The following GRIK2 variants were observed in gnomAD, a reference collection of about 807,000 sequenced individuals.
GRIK2 encodes the protein glutamate ionotropic receptor kainate type subunit 2.
GRIK2 carries 32 observed loss-of-function variants against 100.3 expected under a neutral mutation model. The observed-to-expected ratio is 0.32, with a 90% confidence interval of 0.24 to 0.43. The LOEUF (loss-of-function observed/expected upper bound fraction) is 0.43. GRIK2 is among the 20% of genes least tolerant of loss of function. The pLI is 1.00. For missense variants in GRIK2, 843 were observed against 1,114.9 expected (o/e 0.76, Z 3.47); for synonymous variants, 417 against 389.4 (o/e 1.07, Z -0.83).
At chr6:101,844,676 A>T (rs1783704405) in intron 10 of GRIK2, among the ~76,000 whole-genome samples, 1 of 152,234 alleles carries the variant, frequency 6.6e-6, no homozygotes, top group Non-Finnish European at 1.5e-5. Context: ...AGTATGGCAC[A>T]TATAAATAGC....
chr6:101,634,411 T>A (rs1780908401), intron 4 of GRIK2, among the ~76,000 whole-genome samples: 1 of 152,098 alleles, frequency 6.6e-6, no homozygotes, highest in Admixed American at 6.6e-5. Flanking sequence ...TCTTAACATA[T>A]GAAGTTTGAA....
At chr6:101,442,906 A>G (rs1770159037) in intron 2 of GRIK2, among the ~76,000 whole-genome samples, 1 of 152,126 alleles carries the variant, frequency 6.6e-6, no homozygotes, top group African/African-American at 2.4e-5. Context: ...TCCTGTTAGC[A>G]AGTCTTGACT....
intron 10 of GRIK2, among the ~76,000 whole-genome samples, chr6:101,846,840 A>G (rs2791830): frequency 0.92 from 139,285 of 152,082 alleles, 63,970 homozygotes; most frequent in East Asian, 0.98. Flanking sequence ...TATCTACAAA[A>G]TTGGTAGCAA....
intron 12 of GRIK2, among the ~76,000 whole-genome samples, chr6:101,915,882 A>G (rs1017348925): frequency 6.6e-6 from 1 of 151,478 alleles, no homozygotes; most frequent in Non-Finnish European, 1.5e-5. Context: ...CCCTCTCTTC[A>G]AATATGTTTA....
At chr6:101,866,500 C>T (rs772536505) in intron 11 of GRIK2, among the ~76,000 whole-genome samples, 2 of 152,044 alleles carry the variant, frequency 1.3e-5, no homozygotes, top group Admixed American at 6.6e-5. Flanking sequence ...ATTTTGTTAG[C>T]AACCTCATCC....
rs74777097 is a variant in GRIK2, at chr6:101,953,628, A to T, written c.2085+24996A>T. On this transcript the variant is annotated intron_variant, in intron 14 of 16. Transcript: ENST00000369134. ...GTTGTCTTTTTATCATTGAATTGTA[A>T]GAGTATTTTTACATTTTATAGATAG... Among the ~76,000 whole-genome samples, 722 of 152,288 alleles carry T rather than the reference A, an allele frequency of 4.7e-3. 15 individuals are homozygous for T. Among genetic ancestry groups the T allele is most frequent in the East Asian group, 0.037 (190 of 5,182 alleles).
chr6:101,948,742 TGGGATTACA>T (rs1249587694), intron 14 of GRIK2, among the ~76,000 whole-genome samples: 2 of 151,936 alleles, frequency 1.3e-5, no homozygotes, highest in Non-Finnish European at 2.9e-5. Flanking sequence ...CCCAAAGCGT[TGGGATTACA>T]GGGATGAGCC....
At chr6:101,437,015 T>C (rs1455417012) in intron 2 of GRIK2, among the ~76,000 whole-genome samples, 1 of 151,012 alleles carries the variant, frequency 6.6e-6, no homozygotes, top group Middle Eastern at 3.2e-3. Context: ...TAGAGTTCAA[T>C]ACCTATATGG....
rs1772349208 is a variant in GRIK2, at chr6:101,694,645, C to T, written c.951+8292C>T. On this transcript the variant is annotated intron_variant, in intron 7 of 16. Coordinates refer to ENST00000369134, the MANE Select transcript of GRIK2 (RefSeq NM_021956.5). ...TTTATTACTGTAACTATAGTGCACT[C>T]TCATCATAGAAGGAAGAGTGGATCT... Among the ~76,000 whole-genome samples the T allele has an allele frequency of 2.0e-5, 3 of 151,952 alleles. No homozygotes were observed. The South Asian group carries it at 6.2e-4, about 31-fold the overall frequency.
intron 14 of GRIK2, among the ~76,000 whole-genome samples, chr6:102,001,783 C>T (rs996216512): frequency 2.6e-5 from 4 of 151,832 alleles, no homozygotes; most frequent in African/African-American, 9.7e-5. Flanking sequence ...TTTTCATTTT[C>T]ATTCAGATCA....
intron 2 of GRIK2, among the ~76,000 whole-genome samples, chr6:101,482,528 G>A (rs1772587538): frequency 1.3e-5 from 2 of 152,268 alleles, no homozygotes; most frequent in African/African-American, 4.8e-5. Flanking sequence ...AAAACACTGT[G>A]AGCAGAGGAT....
At chr6:101,439,357 C>T (rs1467410517) in intron 2 of GRIK2, among the ~76,000 whole-genome samples, 1 of 152,070 alleles carries the variant, frequency 6.6e-6, no homozygotes, top group Non-Finnish European at 1.5e-5. Flanking sequence ...AGAAAGCAGG[C>T]ATAGTTGCAA....
At chr6:101,473,042 A>G (rs1409686331) in intron 2 of GRIK2, among the ~76,000 whole-genome samples, 1 of 151,528 alleles carries the variant, frequency 6.6e-6, no homozygotes, top group Non-Finnish European at 1.5e-5. Context: ...GAAATAATAT[A>G]TATATTATTA....
intron 14 of GRIK2, among the ~76,000 whole-genome samples, chr6:101,999,600 C>CT (rs938718767): frequency 2.6e-5 from 4 of 151,438 alleles, no homozygotes; most frequent in East Asian, 3.9e-4. Context: ...GAAGATTTTT[C>CT]TTTTTTTTGT....
intron 2 of GRIK2, among the ~76,000 whole-genome samples, chr6:101,510,196 A>T (rs1258420910): frequency 6.6e-6 from 1 of 152,222 alleles, no homozygotes; most frequent in Non-Finnish European, 1.5e-5. Context: ...AAACATGTCC[A>T]TAAAAAGTGG....
In GRIK2 at chr6:101,709,639, GA is replaced by G. The variant is rs556888118; in HGVS notation, c.951+23294del. Among the ~76,000 whole-genome samples, 6 of 151,334 alleles carry G rather than the reference GA, an allele frequency of 4.0e-5. No homozygotes were observed. The South Asian group carries it at 6.3e-4, about 16-fold the overall frequency. ...AAGCAGCTATTCTCTAGTTAATATA[GA>G]AAAAAAATGCTTTAAAATGGAAGGA... On this transcript the variant is annotated intron_variant, in intron 7 of 16. Coordinates refer to ENST00000369134, the MANE Select transcript of GRIK2 (RefSeq NM_021956.5).
chr6:101,621,810 CTT>C (rs1562266126), intron 2 of GRIK2, 137 bp from the exon 3 acceptor site: 8 of 646,528 alleles, frequency 1.2e-5, no homozygotes, highest in Non-Finnish European at 1.9e-5. Context: ...CTCTCTCTCT[CTT>C]TCTCTCTCTC....
chr6:101,493,807 T>A (rs766537567), intron 2 of GRIK2, among the ~76,000 whole-genome samples: 1 of 150,878 alleles, frequency 6.6e-6, no homozygotes, highest in Non-Finnish European at 1.5e-5. Flanking sequence ...ACTTAGCCCC[T>A]TTTACCAAAT....
intron 14 of GRIK2, among the ~76,000 whole-genome samples, chr6:101,991,741 A>C (rs1794388242): frequency 6.6e-6 from 1 of 151,522 alleles, no homozygotes; most frequent in Admixed American, 6.6e-5. Flanking sequence ...AAAATATTGC[A>C]TATATGATTC....
Sources: allele counts gnomAD v4.1 joint callset (sites outside exome capture counted in the v4.1 genomes callset), GRCh38; gene constraint gnomAD v4.1.1; transcripts MANE v1.5; gene names NCBI Gene and HGNC (gene_info 2026-07-23, HGNC 2026-07-21).